The following EML2 variants were observed in gnomAD, a reference collection of about 807,000 sequenced individuals.
The protein encoded by EML2 is echinoderm microtubule-associated protein-like 2.
In EML2, 59 loss-of-function variants were observed where a neutral mutation model predicts 84.7. The observed-to-expected ratio is 0.70, with a 90% CI of 0.56 to 0.86. EML2 has a LOEUF of 0.86. EML2 is among the 40% of genes least tolerant of loss of function. EML2 has a pLI of 0.00. For missense variants in EML2, 818 were observed against 855.6 expected, an observed-to-expected ratio of 0.96 and a Z score of 0.55; for synonymous variants, 352 against 348.9, an observed-to-expected ratio of 1.01 and a Z score of -0.10.
upstream of EML2, chr19:45,643,805 G>GGA: frequency 6.9e-7 from 1 of 1,450,000 alleles, no homozygotes. Flanking sequence ...CCCACTCAGC[G>GGA]CCTCCCAGGT....
At chr19:45,630,160 G>T in intron 6 of EML2, 114 bp from the exon 7 acceptor site, 1 of 736,052 alleles carries the variant, frequency 1.4e-6, no homozygotes, top group Non-Finnish European at 2.4e-6. Context: ...TTCAGGCTGG[G>T]CACAGTAGGT....
chr19:45,618,110 C>G (rs1228556794), intron 12 of EML2, among the ~76,000 whole-genome samples: 2 of 152,070 alleles, frequency 1.3e-5, no homozygotes, highest in African/African-American at 4.8e-5. Context: ...GTTGCCCAGG[C>G]TGGAGTGCAG....
Position 45,617,709 on chromosome 19 carries a change from G to A in EML2, c.1255-12C>T, listed in dbSNP as rs1971251592. 1 of 1,612,806 alleles carries A rather than the reference G, an allele frequency of 6.2e-7. No individual in the cohort carries two copies. Among genetic ancestry groups the A allele is most frequent in the South Asian group, 1.1e-5 (1 of 90,848 alleles). ...GAGCGGGCAGGGTCCTGAGAAGGGAGAGAGAAGAGGCAGGGCTCAGAGCTG... is the reference window on the plus strand; with the variant it reads ...GAGCGGGCAGGGTCCTGAGAAGGGAAAGAGAAGAGGCAGGGCTCAGAGCTG... On this transcript the variant is annotated splice_polypyrimidine_tract_variant and intron_variant, in intron 12 of 18. Transcript: ENST00000245925.
intron 18 of EML2, among the ~76,000 whole-genome samples, chr19:45,611,908 G>A (rs899888485): frequency 6.6e-5 from 10 of 152,008 alleles, no homozygotes; most frequent in Admixed American, 5.9e-4. Context: ...GAGCCTTGCT[G>A]TCGCTCAGGC....
chr19:45,627,756 T>C (rs942451488), intron 7 of EML2, among the ~76,000 whole-genome samples: 6 of 152,146 alleles, frequency 3.9e-5, no homozygotes, highest in African/African-American at 1.4e-4. Context: ...GCCCACCTCA[T>C]TGCAAATTAA....
At chr19:45,609,885 C>CTCT in intron 18 of EML2, 97 bp from the exon 19 acceptor site, 1 of 1,383,248 alleles carries the variant, frequency 7.2e-7, no homozygotes, top group Non-Finnish European at 9.6e-7. Context: ...TCTGCTCTTC[C>CTCT]TCTTTTTTTT....
At chr19:45,635,973 C>T (rs1315111973) in intron 3 of EML2, among the ~76,000 whole-genome samples, 1 of 152,070 alleles carries the variant, frequency 6.6e-6, no homozygotes, top group East Asian at 1.9e-4. Flanking sequence ...TTATAGATCT[C>T]AAGATGAGAT....
At chr19:45,626,923 C>G in intron 7 of EML2, 84 bp from the exon 8 acceptor site, 1 of 1,362,752 alleles carries the variant, frequency 7.3e-7, no homozygotes, top group Non-Finnish European at 9.9e-7. Flanking sequence ...CTGCCCTAAA[C>G]GGCTGTTTGT....
upstream of EML2, chr19:45,642,677 A>C (rs964828908): frequency 7.2e-6 from 3 of 414,704 alleles, no homozygotes; most frequent in Middle Eastern, 9.1e-4. Flanking sequence ...TATGACTAAG[A>C]CGTGACCAGG....
At chr19:45,616,422 C>A (rs761584217) in intron 15 of EML2, 39 bp downstream of exon 15, 2 of 1,499,854 alleles carry the variant, frequency 1.3e-6, no homozygotes, top group South Asian at 1.2e-5. Flanking sequence ...ACCCCCTGGG[C>A]GGGGTGGCGG....
chr19:45,616,248 A>C (rs887992181), intron 15 of EML2: 7 of 544,516 alleles, frequency 1.3e-5, no homozygotes, highest in Non-Finnish European at 2.3e-5. Flanking sequence ...GGGGCTACAC[A>C]GATGGGCTTA....
chr19:45,638,422 T>C (rs1268075075), intron 3 of EML2, 83 bp downstream of exon 3: 1 of 1,595,486 alleles, frequency 6.3e-7, no homozygotes, highest in African/African-American at 1.3e-5. Context: ...AGTGCTGAGA[T>C]TACAGGCCTG....
At chr19:45,616,030 C>G (rs1255849730) in intron 15 of EML2, 141 bp from the exon 16 acceptor site, 8 of 678,500 alleles carry the variant, frequency 1.2e-5, no homozygotes, top group South Asian at 1.2e-4. Context: ...ATACACAGGC[C>G]TTTGGAGTAT....
At chr19:45,612,001 A>G (rs1183912875) in intron 18 of EML2, among the ~76,000 whole-genome samples, 1 of 148,514 alleles carries the variant, frequency 6.7e-6, no homozygotes, top group Non-Finnish European at 1.5e-5. Flanking sequence ...CTTCCCCAGT[A>G]GCTGGGATTA....
upstream of EML2, among the ~76,000 whole-genome samples, chr19:45,643,241 C>A (rs1974747100): frequency 6.6e-6 from 1 of 152,172 alleles, no homozygotes; most frequent in Admixed American, 6.5e-5. Flanking sequence ...CCTCTCCTCA[C>A]CCTGGGGTTC....
At chr19:45,621,088 G>C (rs745867535) in intron 11 of EML2, 119 bp downstream of exon 11, 31 of 1,434,154 alleles carry the variant, frequency 2.2e-5, no homozygotes, top group Non-Finnish European at 2.7e-5. Flanking sequence ...GGCCAGGTCA[G>C]AGAAGGGACA....
upstream of EML2, chr19:45,639,398 G>T (rs1316765179): frequency 4.0e-6 from 5 of 1,256,778 alleles, no homozygotes; most frequent in Non-Finnish European, 4.0e-6. Flanking sequence ...GCGGAGCTTC[G>T]GGGCCGGGGG....
chr19:45,621,282 G>T lies in EML2; in HGVS notation c.1047C>A (p.Asp349Glu), dbSNP rs757360721. 1 of 1,613,588 alleles carries T rather than the reference G, an allele frequency of 6.2e-7. No individual in the cohort carries two copies. The highest frequency in any genetic ancestry group is 8.5e-7 in the Non-Finnish European group (1 of 1,179,672). The stretch of plus-strand genomic sequence containing the variant: ...TGCGGGTGGTCCCCACGTACAGTGT[G>T]TCTCCGTGGCCCTCTGCCACGGTGC... The part of the protein sequence containing the change: ...PVRTVAEGHG[D>E]TLYVGTTRNS... Residue 349 changes from aspartate to glutamate, a missense_variant, in exon 11 of 19, where the codon GAC becomes GAA. Transcript: ENST00000245925.
At chr19:45,641,298 C>T, upstream of EML2, 2 of 241,916 alleles carry the variant, frequency 8.3e-6, no homozygotes, top group South Asian at 5.6e-5. Context: ...AACTCTGTGG[C>T]TGCTGCCTTG....
Sources: allele counts gnomAD v4.1 joint callset (sites outside exome capture counted in the v4.1 genomes callset), GRCh38; gene constraint gnomAD v4.1.1; transcripts MANE v1.5; gene names NCBI Gene and HGNC (gene_info 2026-07-23, HGNC 2026-07-21).